The following BRIP1 variants were observed in gnomAD, a reference collection of about 807,000 sequenced individuals.
BRIP1 encodes Fanconi anemia group J protein.
In BRIP1, 88 loss-of-function variants were observed where a neutral mutation model predicts 119.7. That is an observed-to-expected ratio of 0.74 (90% CI 0.62 to 0.88). BRIP1 has a LOEUF of 0.88. Ranked by LOEUF, BRIP1 falls within the 40% of genes least tolerant of loss-of-function variation. The pLI, the probability that BRIP1 is intolerant of heterozygous loss-of-function variation, is 0.00. For missense variants in BRIP1, 1,259 were observed against 1,455.4 expected (o/e 0.87, Z 2.20); for synonymous variants, 443 against 496.5 (o/e 0.89, Z 1.43).
Position 61,856,523 on chromosome 17 carries a change from A to G in BRIP1, c.379+535T>C, listed in dbSNP as rs201061025. ...AGGTAAATAATAGTCTATCCTTTCT[A>G]TACAGCCAAAAGCAGGTGAAATATT... On this transcript the variant is annotated intron_variant, in intron 4 of 19. Transcript: ENST00000259008. The surrounding 1 kb of genome is among the most constrained non-coding windows in gnomAD (Gnocchi z 5.1). 6.6e-6 allele frequency among the ~76,000 whole-genome samples: 1 copy of G among 152,336 alleles called. No individual in the cohort carries two copies. Among genetic ancestry groups the G allele is most frequent in the South Asian group, 2.1e-4 (1 of 4,834 alleles).
In BRIP1 at chr17:61,734,841, T is replaced by A. The variant is rs2076896830; in HGVS notation, c.2379+8172A>T. On this transcript the variant is annotated intron_variant, in intron 16 of 19. Coordinates refer to ENST00000259008, the MANE Select transcript of BRIP1 (RefSeq NM_032043.3). This position sits in a 1 kb window ranked among gnomAD's most constrained non-coding sequence, Gnocchi z 5.2. Reference sequence around the variant, plus strand: ...AGAAAAAATTTTAGTATCATAAAATTAATGTCACTGCCTTCTTTTTCCCAC... The same window carrying A: ...AGAAAAAATTTTAGTATCATAAAATAAATGTCACTGCCTTCTTTTTCCCAC... Among the ~76,000 whole-genome samples the A allele has an allele frequency of 6.6e-6, 1 of 152,222 alleles. No individual in the cohort carries two copies. The highest frequency in any genetic ancestry group is 1.5e-5 in the Non-Finnish European group (1 of 68,034).
At chr17:61,688,941 C>T (rs1159859261) in intron 18 of BRIP1, among the ~76,000 whole-genome samples, 2 of 151,690 alleles carry the variant, frequency 1.3e-5, no homozygotes, top group African/African-American at 4.9e-5. Context: ...AAATTCACTA[C>T]AGGGGTTCAT....
At chr17:61,696,817 C>T (rs1350322038) in intron 17 of BRIP1, among the ~76,000 whole-genome samples, 1 of 151,266 alleles carries the variant, frequency 6.6e-6, no homozygotes, top group Non-Finnish European at 1.5e-5. Context: ...AACCCTGTCT[C>T]TACTAAATAT....
intron 13 of BRIP1, among the ~76,000 whole-genome samples, chr17:61,779,982 A>G (rs2077589626): frequency 6.6e-6 from 1 of 152,212 alleles, no homozygotes; most frequent in African/African-American, 2.4e-5. Context: ...TTATACAATG[A>G]GAATTAAAGA....
rs878855151 is a variant in BRIP1, at chr17:61,684,052, CTT to C, written c.2992_2993del (p.Lys998GlufsTer3). On this transcript the variant is annotated frameshift_variant, in exon 20 of 20. Coordinates refer to ENST00000259008, the MANE Select transcript of BRIP1 (RefSeq NM_032043.3). LOFTEE classifies it low-confidence loss of function (END_TRUNC). The surrounding 1 kb of genome is among the most constrained non-coding windows in gnomAD (Gnocchi z 4.5). ...STSPTFNKQT[K>X]RVSWSSFNSL... ...AATTAAAGCTTGACCAGCTAACTCT[CTT>C]TGTTTGTTTGTTGAAAGTTGGGCTT... 8 of 1,613,690 alleles carry C rather than the reference CTT, an allele frequency of 5.0e-6. No homozygotes were observed. The highest frequency in any genetic ancestry group is 2.2e-5 in the South Asian group (2 of 90,992).
rs1329216751 is a variant in BRIP1, at chr17:61,706,754, G to A, written c.2492+9197C>T. Among the ~76,000 whole-genome samples, 1 of 152,046 alleles carries A rather than the reference G, an allele frequency of 6.6e-6. No individual in the cohort carries two copies. Among genetic ancestry groups the A allele is most frequent in the Non-Finnish European group, 1.5e-5 (1 of 67,990 alleles). On this transcript the variant is annotated intron_variant, in intron 17 of 19. Coordinates refer to ENST00000259008, the MANE Select transcript of BRIP1 (RefSeq NM_032043.3). The surrounding 1 kb of genome is among the most constrained non-coding windows in gnomAD (Gnocchi z 5.7). ...GCACTATAATTAGATTTCCTTTATTGTACAAGACTTTTTGCCTTCCCTGGA... is the reference window on the plus strand; with the variant it reads ...GCACTATAATTAGATTTCCTTTATTATACAAGACTTTTTGCCTTCCCTGGA...
chr17:61,844,221 G>A lies in BRIP1; in HGVS notation c.627+2880C>T, dbSNP rs1219812847. On this transcript the variant is annotated intron_variant, in intron 6 of 19. Transcript: ENST00000259008. The surrounding 1 kb of genome is among the most constrained non-coding windows in gnomAD (Gnocchi z 4.7). ...TGAGATTATAGGCATGAGCCATGAT[G>A]CCTGGCCCAATCTTTATTTAAAAAT... Among the ~76,000 whole-genome samples, 1 of 152,104 alleles carries A rather than the reference G, an allele frequency of 6.6e-6. No individual in the cohort carries two copies. Among genetic ancestry groups the A allele is most frequent in the Non-Finnish European group, 1.5e-5 (1 of 68,026 alleles).
rs2078653116 is a variant in BRIP1, at chr17:61,841,238, T to C, written c.627+5863A>G. ...ATAGGACAGTATCAAACTAAAAAGC[T>C]TCTGCACAGCAAAGGAAACAACAGA... On this transcript the variant is annotated intron_variant, in intron 6 of 19. Coordinates refer to ENST00000259008, the MANE Select transcript of BRIP1 (RefSeq NM_032043.3). The surrounding 1 kb of genome is among the most constrained non-coding windows in gnomAD (Gnocchi z 4.1). Among the ~76,000 whole-genome samples, 1 of 152,098 alleles carries C rather than the reference T, an allele frequency of 6.6e-6. No individual in the cohort carries two copies. The highest frequency in any genetic ancestry group is 1.5e-5 in the Non-Finnish European group (1 of 68,012).
At chr17:61,773,531 C>A (rs2077489923) in intron 14 of BRIP1, among the ~76,000 whole-genome samples, 1 of 152,076 alleles carries the variant, frequency 6.6e-6, no homozygotes, top group East Asian at 1.9e-4. Flanking sequence ...ACGCCAAAAT[C>A]AATGACAACA....
Position 61,724,819 on chromosome 17 carries a change from T to C in BRIP1, c.2380-8756A>G, listed in dbSNP as rs1029959505. ...ACTCTGCTTCAGAAAAATAAACACA[T>C]TTGTCTAGCAAACACTTGAGTAGAA... is the stretch of plus-strand genomic sequence containing the variant. On this transcript the variant is annotated intron_variant, in intron 16 of 19. Coordinates refer to ENST00000259008, the MANE Select transcript of BRIP1 (RefSeq NM_032043.3). The surrounding 1 kb of genome is among the most constrained non-coding windows in gnomAD (Gnocchi z 5.1). 2.0e-5 allele frequency among the ~76,000 whole-genome samples: 3 copies of C among 152,164 alleles called. No homozygotes were observed. Among genetic ancestry groups the C allele is most frequent in the East Asian group, 1.9e-4 (1 of 5,200 alleles).
chr17:61,775,246 G>C lies in BRIP1; in HGVS notation c.2097+1155C>G, dbSNP rs1284415889. Reference sequence around the variant, plus strand: ...TTTTCCATTAAGAATTTTAAAAAATGTTTATGTCCGTTTTATTTTTAGATA... The same window carrying C: ...TTTTCCATTAAGAATTTTAAAAAATCTTTATGTCCGTTTTATTTTTAGATA... On this transcript the variant is annotated intron_variant, in intron 14 of 19. Coordinates refer to ENST00000259008, the MANE Select transcript of BRIP1 (RefSeq NM_032043.3). This position sits in a 1 kb window ranked among gnomAD's most constrained non-coding sequence, Gnocchi z 4.4. 6.6e-6 allele frequency among the ~76,000 whole-genome samples: 1 copy of C among 152,022 alleles called. No homozygotes were observed. The highest frequency in any genetic ancestry group is 1.5e-5 in the Non-Finnish European group (1 of 67,968).
At chr17:61,692,254 T>C (rs548167802) in intron 18 of BRIP1, among the ~76,000 whole-genome samples, 47 of 152,328 alleles carry the variant, frequency 3.1e-4, no homozygotes, top group Middle Eastern at 6.8e-3. Context: ...TTGGCAATGA[T>C]TGTTTGGATA....
chr17:61,821,495 CT>C (rs566324414), intron 6 of BRIP1, among the ~76,000 whole-genome samples: 5 of 147,084 alleles, frequency 3.4e-5, no homozygotes, highest in African/African-American at 1.3e-4. Flanking sequence ...ATTTCATTCT[CT>C]TTTTTTTTCT....
In BRIP1 at chr17:61,848,134, C is replaced by G. The variant is rs1328444503; in HGVS notation, c.508-914G>C. Among the ~76,000 whole-genome samples the G allele has an allele frequency of 6.6e-6, 1 of 152,086 alleles. No individual in the cohort carries two copies. The highest frequency in any genetic ancestry group is 1.5e-5 in the Non-Finnish European group (1 of 68,020). On this transcript the variant is annotated intron_variant, in intron 5 of 19. Transcript: ENST00000259008. The surrounding 1 kb of genome is among the most constrained non-coding windows in gnomAD (Gnocchi z 4.3). ...TCAATTAAAAGTACCCAGTTACTTACCTACAAATAACATCCTAATTAATAA... is the reference window on the plus strand; with the variant it reads ...TCAATTAAAAGTACCCAGTTACTTAGCTACAAATAACATCCTAATTAATAA...
At chr17:61,688,709 AT>A (rs2061398510) in intron 18 of BRIP1, among the ~76,000 whole-genome samples, 1 of 151,950 alleles carries the variant, frequency 6.6e-6, no homozygotes, top group Non-Finnish European at 1.5e-5. Flanking sequence ...ACAGGAAAAA[AT>A]AACCCTGTCA....
rs1489355776 is a variant in BRIP1, at chr17:61,801,286, G to A, written c.1107C>T (p.Tyr369=). Residue 369 remains tyrosine (Y), a synonymous_variant, in exon 8 of 20, where the codon TAC becomes TAT. Coordinates refer to ENST00000259008, the MANE Select transcript of BRIP1 (RefSeq NM_032043.3). ...IQDADIIFCP[Y]NYLLDAQIRE... ...TTATTTGTGCATCTAGAAGATAGTTGTAGGGACAAAATATGATGTCAGCAT... is the reference window on the plus strand; with the variant it reads ...TTATTTGTGCATCTAGAAGATAGTTATAGGGACAAAATATGATGTCAGCAT... The A allele has an allele frequency of 6.2e-7, 1 of 1,613,928 alleles. No homozygotes were observed. The highest frequency in any genetic ancestry group is 1.1e-5 in the South Asian group (1 of 91,082).
In BRIP1 at chr17:61,755,007, T is replaced by G. The variant is rs2077181630; in HGVS notation, c.2098-10416A>C. On this transcript the variant is annotated intron_variant, in intron 14 of 19. Transcript: ENST00000259008. The surrounding 1 kb of genome is among the most constrained non-coding windows in gnomAD (Gnocchi z 4.5). ...CAGTCCATAATATCATCTAACATAT[T>G]AGTAGCTTTCTGTGTCTCTCATTTA... 6.6e-6 allele frequency among the ~76,000 whole-genome samples: 1 copy of G among 152,158 alleles called. No individual in the cohort carries two copies. Among genetic ancestry groups the G allele is most frequent in the African/African-American group, 2.4e-5 (1 of 41,436 alleles).
In BRIP1 at chr17:61,847,627, T is replaced by C. The variant is rs544936287; in HGVS notation, c.508-407A>G. Among the ~76,000 whole-genome samples the C allele has an allele frequency of 7.7e-4, 118 of 152,318 alleles. No homozygotes were observed. The highest frequency in any genetic ancestry group is 2.8e-3 in the African/African-American group (115 of 41,590). On this transcript the variant is annotated intron_variant, in intron 5 of 19. Transcript: ENST00000259008. ...TTGAAAAGAACTCAGAATAAAACTTTTAATGTAAACAGTCATGATTTCCTA... is the reference window on the plus strand; with the variant it reads ...TTGAAAAGAACTCAGAATAAAACTTCTAATGTAAACAGTCATGATTTCCTA...
At position 61,799,536 on chromosome 17, in the gene BRIP1, G is replaced by A. The variant is rs115556864; in HGVS notation, c.1141-237C>T. 0.016 allele frequency among the ~76,000 whole-genome samples: 2,405 copies of A among 151,874 alleles called. 56 individuals carry two copies. The highest frequency in any genetic ancestry group is 0.056 in the African/African-American group (2,304 of 41,414). On this transcript the variant is annotated intron_variant, in intron 8 of 19. Coordinates refer to ENST00000259008, the MANE Select transcript of BRIP1 (RefSeq NM_032043.3). This position sits in a 1 kb window ranked among gnomAD's most constrained non-coding sequence, Gnocchi z 5.1. ...TCTTAAAATACTTTGCAAACCTATCGACAGCAACAAAAATATGTCAGTGAG... is the reference window on the plus strand; with the variant it reads ...TCTTAAAATACTTTGCAAACCTATCAACAGCAACAAAAATATGTCAGTGAG...
Sources: allele counts gnomAD v4.1 joint callset (sites outside exome capture counted in the v4.1 genomes callset), GRCh38; gene constraint gnomAD v4.1.1; non-coding constraint Gnocchi (gnomAD v3.1); transcripts MANE v1.5; gene names NCBI Gene and HGNC (gene_info 2026-07-23, HGNC 2026-07-21).